Variants in PSMD9 observed in about 807,000 individuals in gnomAD.
The protein encoded by PSMD9 is proteasome 26S subunit, non-ATPase 9.
In PSMD9, 26 loss-of-function variants were observed where a neutral mutation model predicts 25.9. The observed-to-expected ratio is 1.00, with a 90% CI of 0.73 to 1.39. The LOEUF is 1.39. Ranked by LOEUF, PSMD9 falls within the 40% of genes most tolerant of loss-of-function variation. The pLI, the probability that PSMD9 is intolerant of heterozygous loss-of-function variation, is 0.00. For synonymous variants in PSMD9, 110 were observed against 114.5 expected (o/e 0.96, Z 0.25); for missense variants, 303 against 299.3 (o/e 1.01, Z -0.09).
chr12:121,905,166 C>T (rs2135726969), intron 4 of PSMD9, among the ~76,000 whole-genome samples: 1 of 151,664 alleles, frequency 6.6e-6, no homozygotes. Context: ...GTGTAATTTA[C>T]CTGCACCAGA....
intron 2 of PSMD9, 77 bp downstream of exon 2, chr12:121,894,918 C>A: frequency 8.2e-7 from 1 of 1,215,006 alleles, no homozygotes. Context: ...AACCAACTAT[C>A]TGTATTATCT....
At chr12:121,915,792 A>G (rs192858098) in intron 4 of PSMD9, 64 bp from the exon 5 acceptor site, 1 of 1,365,796 alleles carries the variant, frequency 7.3e-7, no homozygotes, top group African/African-American at 1.4e-5. Context: ...GGATCTCAGC[A>G]TTTTAGCCTG....
At chr12:121,890,932 G>A (rs569112477) in intron 1 of PSMD9, among the ~76,000 whole-genome samples, 123 of 151,740 alleles carry the variant, frequency 8.1e-4, no homozygotes, top group African/African-American at 1.8e-3. Context: ...GCCTGAAACC[G>A]TGCTCTATAT....
At chr12:121,889,643 A>G (rs1290248879) in intron 1 of PSMD9, among the ~76,000 whole-genome samples, 1 of 152,226 alleles carries the variant, frequency 6.6e-6, no homozygotes, top group Non-Finnish European at 1.5e-5. Flanking sequence ...ACTCCCAGCA[A>G]TGCTGATGCT....
At chr12:121,906,245 G>A (rs574951995) in intron 4 of PSMD9, among the ~76,000 whole-genome samples, 4 of 152,240 alleles carry the variant, frequency 2.6e-5, no homozygotes, top group Admixed American at 1.3e-4. Flanking sequence ...AGCTGTCTTG[G>A]TGGGCTGGAG....
chr12:121,901,666 C>CTTTTTTTTTTTTTTTTTTTTTTTTT (rs563939839), intron 3 of PSMD9, among the ~76,000 whole-genome samples: 1 of 93,610 alleles, frequency 1.1e-5, no homozygotes, highest in African/African-American at 5.9e-5. Flanking sequence ...TTCATTCCTT[C>CTTTTTTTTTTTTTTTTTTTTTTTTT]TTTTTTTTTT....
intron 4 of PSMD9, among the ~76,000 whole-genome samples, chr12:121,904,317 G>A (rs1342593514): frequency 6.9e-6 from 1 of 144,830 alleles, no homozygotes; most frequent in African/African-American, 2.6e-5. Flanking sequence ...GCTCACTCCT[G>A]TAATCCCAGC....
Position 121,903,035 on chromosome 12 carries a change from G to GT in PSMD9, c.485dup (p.Gly163ArgfsTer13). On this transcript the variant is annotated frameshift_variant, in exon 4 of 6. Coordinates refer to ENST00000541212, the MANE Select transcript of PSMD9 (RefSeq NM_002813.7). LOFTEE classifies it high-confidence loss of function. The stretch of plus-strand genomic sequence containing the variant: ...TGCAAGTGGATGATGAGATTGTGGA[G>GT]TTCGGCTCTGTGAACACCCAGAACT... The GT allele has an allele frequency of 6.2e-7, 1 of 1,614,088 alleles. No homozygotes were observed. The highest frequency in any genetic ancestry group is 8.5e-7 in the Non-Finnish European group (1 of 1,180,008).
At chr12:121,911,218 T>G (rs1197431090) in intron 4 of PSMD9, among the ~76,000 whole-genome samples, 1 of 152,158 alleles carries the variant, frequency 6.6e-6, no homozygotes, top group Non-Finnish European at 1.5e-5. Flanking sequence ...TTTTGTATTT[T>G]TAGTAGAGAT....
chr12:121,900,513 A>C, intron 3 of PSMD9, among the ~76,000 whole-genome samples: 1 of 151,582 alleles, frequency 6.6e-6, no homozygotes, highest in Non-Finnish European at 1.5e-5. Flanking sequence ...CAACATGGCG[A>C]AACCCCGTCT....
chr12:121,903,771 TTAA>T (rs1334298123), intron 4 of PSMD9, among the ~76,000 whole-genome samples: 7 of 150,448 alleles, frequency 4.7e-5, no homozygotes, highest in Non-Finnish European at 8.9e-5. Context: ...TTTTTTTTTT[TTAA>T]GACAGGGTCA....
At chr12:121,906,645 A>G (rs1390834597) in intron 4 of PSMD9, among the ~76,000 whole-genome samples, 2 of 53,258 alleles carry the variant, frequency 3.8e-5, no homozygotes, top group African/African-American at 1.3e-4. Context: ...TCTACTAAAA[A>G]TACAAAAAAA....
chr12:121,905,630 C>G (rs1251591007), intron 4 of PSMD9, among the ~76,000 whole-genome samples: 1 of 151,688 alleles, frequency 6.6e-6, no homozygotes, highest in Non-Finnish European at 1.5e-5. Context: ...CAGGTTCAAG[C>G]GATTCTCCAG....
chr12:121,896,251 C>T (rs931219303), intron 2 of PSMD9, among the ~76,000 whole-genome samples: 20 of 152,042 alleles, frequency 1.3e-4, no homozygotes, highest in African/African-American at 4.8e-4. Context: ...GGGCAGATCA[C>T]CTGAGGTCAG....
At chr12:121,913,853 A>T (rs1879813277) in intron 4 of PSMD9, among the ~76,000 whole-genome samples, 1 of 151,912 alleles carries the variant, frequency 6.6e-6, no homozygotes, top group Non-Finnish European at 1.5e-5. Context: ...TAATAGTGTC[A>T]TTTGATACAT....
chr12:121,913,900 ATTTATT>A (rs1565896426), intron 4 of PSMD9, among the ~76,000 whole-genome samples: 1 of 148,900 alleles, frequency 6.7e-6, no homozygotes, highest in African/African-American at 2.5e-5. Context: ...TGTTTTATTT[ATTTATT>A]TTTATTTTTT....
intron 4 of PSMD9, among the ~76,000 whole-genome samples, chr12:121,913,873 A>G (rs186736039): frequency 1.3e-5 from 2 of 151,656 alleles, no homozygotes; most frequent in East Asian, 3.9e-4. Context: ...TAGAAGTTTT[A>G]GATTTTGATG....
chr12:121,916,120 G>A (rs541898232), intron 5 of PSMD9, 164 bp from the exon 6 acceptor site: 7 of 1,153,880 alleles, frequency 6.1e-6, no homozygotes, highest in East Asian at 2.4e-5. Context: ...GAAGCAGAGG[G>A]AGCCCCAGAG....
chr12:121,901,489 T>G (rs1879394568), intron 3 of PSMD9, among the ~76,000 whole-genome samples: 1 of 151,858 alleles, frequency 6.6e-6, no homozygotes. Flanking sequence ...GCTAGGACTG[T>G]AGGCACATGT....
Sources: gnomAD v4.1 joint callset for allele counts (sites outside exome capture counted in the v4.1 genomes callset) on GRCh38, gnomAD v4.1.1 for gene constraint, MANE v1.5 for transcripts, NCBI Gene and HGNC (gene_info 2026-07-23, HGNC 2026-07-21) for gene names.